Variants in BAG2 observed in about 807,000 individuals in gnomAD.
BAG2 encodes the protein BAG family molecular chaperone regulator 2.
Under a neutral mutation model 16.4 loss-of-function variants are expected in BAG2, and 8 were observed. That is an observed-to-expected ratio of 0.49 (90% CI 0.29 to 0.88). BAG2 has a LOEUF of 0.88. Among genes scored for constraint, BAG2 ranks in the 40% least tolerant of loss-of-function variants. The pLI is 0.09. For missense variants in BAG2, 218 were observed against 248.9 expected, an observed-to-expected ratio of 0.88 and a Z score of 0.84; for synonymous variants, 82 against 89.2, an observed-to-expected ratio of 0.92 and a Z score of 0.46.
At position 57,187,798 on chromosome 6, in the gene BAG2, C is replaced by T. The variant is rs763281017; in HGVS notation, c.*3608C>T. ...GCACTGCCAACTTCTAAAGCAACCA[C>T]CTAGAACTTCACTCCATAATGAGGA... On this transcript the variant is annotated 3_prime_UTR_variant, in exon 3 of 3. Transcript: ENST00000370693. The T allele has an allele frequency of 7.2e-5, 11 of 152,198 alleles. No individual in the cohort carries two copies. The highest frequency in any genetic ancestry group is 2.4e-4 in the African/African-American group (10 of 41,526). 9.4% of individuals were successfully genotyped at this position (152,198 alleles called of 1,614,324 possible). A position where few individuals can be genotyped will look rare whatever the true frequency, so the allele number is the denominator to read the frequency against.
At chr6:57,172,834 G>T in intron 1 of BAG2, 24 bp downstream of exon 1, 1 of 1,463,448 alleles carries the variant, frequency 6.8e-7, no homozygotes, top group South Asian at 1.3e-5. Flanking sequence ...GGGCGGTCTC[G>T]GGCGTTCTGC....
chr6:57,173,536 C>T (rs1764191345), intron 1 of BAG2: 2 of 964,300 alleles, frequency 2.1e-6, no homozygotes, highest in Non-Finnish European at 2.5e-6. Context: ...AGATAGTTTT[C>T]CCCTTTTCTT....
intron 1 of BAG2, among the ~76,000 whole-genome samples, chr6:57,180,276 A>G (rs934331694): frequency 6.6e-6 from 1 of 152,200 alleles, no homozygotes; most frequent in Non-Finnish European, 1.5e-5. Flanking sequence ...TGTTATAAAG[A>G]TGTCTAATTT....
intron 1 of BAG2, among the ~76,000 whole-genome samples, chr6:57,181,277 A>C (rs1024347519): frequency 6.6e-6 from 1 of 152,196 alleles, no homozygotes; most frequent in Admixed American, 6.5e-5. Flanking sequence ...TAGAAGTGTT[A>C]TTTGTAGTAA....
rs575497602 is a variant in BAG2 at position 57,172,826 on chromosome 6, G to A, written c.113+16G>A. 6.8e-7 allele frequency: 1 copy of A among 1,479,984 alleles called. No homozygotes were observed. The highest frequency in any genetic ancestry group is 1.5e-5 in the African/African-American group (1 of 68,074). 91.7% of individuals were successfully genotyped at this position (1,479,984 alleles called of 1,614,324 possible). On this transcript the variant is annotated intron_variant, in intron 1 of 2. Coordinates refer to ENST00000370693, the MANE Select transcript of BAG2 (RefSeq NM_004282.4). ...TGGAGCTCAGGTGAGCTCCGGGCGG[G>A]CGGTCTCGGGCGTTCTGCTCGCCGC...
intron 1 of BAG2, among the ~76,000 whole-genome samples, chr6:57,178,525 T>G (rs1764348821): frequency 6.6e-6 from 1 of 151,994 alleles, no homozygotes; most frequent in Non-Finnish European, 1.5e-5. Flanking sequence ...AGCAATTGGG[T>G]TTTGAAAAAG....
intron 1 of BAG2, among the ~76,000 whole-genome samples, chr6:57,180,183 C>T (rs1333050922): frequency 1.3e-5 from 2 of 152,018 alleles, no homozygotes; most frequent in South Asian, 2.1e-4. Context: ...GCAATATCCA[C>T]GAAGACTACT....
At chr6:57,179,338 C>CTT (rs1276419931) in intron 1 of BAG2, among the ~76,000 whole-genome samples, 1 of 152,144 alleles carries the variant, frequency 6.6e-6, no homozygotes, top group Non-Finnish European at 1.5e-5. Flanking sequence ...CAGTTCTTTG[C>CTT]TTTTACTGGC....
intron 1 of BAG2, among the ~76,000 whole-genome samples, chr6:57,178,408 G>A (rs1764346426): frequency 6.6e-6 from 1 of 152,102 alleles, no homozygotes; most frequent in Admixed American, 6.6e-5. Flanking sequence ...AAAATATGAG[G>A]TAGACATATT....
Position 57,188,197 on chromosome 6 carries a change from G to T in BAG2, c.*4007G>T, listed in dbSNP as rs1764684326. 1 of 152,058 alleles carries T rather than the reference G, an allele frequency of 6.6e-6. No individual in the cohort carries two copies. The highest frequency in any genetic ancestry group is 2.4e-5 in the African/African-American group (1 of 41,432). 9.4% of individuals were successfully genotyped at this position (152,058 alleles called of 1,614,324 possible). On this transcript the variant is annotated 3_prime_UTR_variant, in exon 3 of 3. Coordinates refer to ENST00000370693, the MANE Select transcript of BAG2 (RefSeq NM_004282.4). ...GAATGAAGGGTCTTGGAAAAAAAATGTCAATTTTTGAAGGCTTTAAGAATT... is the reference window on the plus strand; with the variant it reads ...GAATGAAGGGTCTTGGAAAAAAAATTTCAATTTTTGAAGGCTTTAAGAATT...
At position 57,182,018 on chromosome 6, in the gene BAG2, C is replaced by A; in HGVS notation, c.114-14C>A. 1.2e-6 allele frequency: 2 copies of A among 1,610,062 alleles called. No homozygotes were observed. The highest frequency in any genetic ancestry group is 2.2e-5 in the East Asian group (1 of 44,842). ...CTGCATACAATAACCGTTTTGTTTT[C>A]CCAATTTCTATAGGGTTGAAGCTTT... is the stretch of plus-strand genomic sequence containing the variant. On this transcript the variant is annotated splice_polypyrimidine_tract_variant and intron_variant, in intron 1 of 2. Coordinates refer to ENST00000370693, the MANE Select transcript of BAG2 (RefSeq NM_004282.4).
At chr6:57,180,172 A>G (rs1030824495) in intron 1 of BAG2, among the ~76,000 whole-genome samples, 11 of 152,216 alleles carry the variant, frequency 7.2e-5, no homozygotes, top group Non-Finnish European at 1.2e-4. Flanking sequence ...TCACAATAGC[A>G]GCAATATCCA....
In BAG2 at chr6:57,188,698, G is replaced by A. The variant is rs1764710409; in HGVS notation, c.*4508G>A. The A allele has an allele frequency of 1.3e-5, 2 of 152,150 alleles. No individual in the cohort carries two copies. The highest frequency in any genetic ancestry group is 2.4e-5 in the African/African-American group (1 of 41,436). 9.4% of individuals were successfully genotyped at this position (152,150 alleles called of 1,614,324 possible). ...TGTCACTATCAGCAATGGGAGTGGTGACAACTGGTGACATAAAAATAAGCA... is the reference window on the plus strand; with the variant it reads ...TGTCACTATCAGCAATGGGAGTGGTAACAACTGGTGACATAAAAATAAGCA... On this transcript the variant is annotated 3_prime_UTR_variant, in exon 3 of 3. Coordinates refer to ENST00000370693, the MANE Select transcript of BAG2 (RefSeq NM_004282.4).
Position 57,183,936 on chromosome 6 carries a change from T to C in BAG2, c.382T>C (p.Leu128=). ...DEVVNKFLDD[L]GNAKSHLMSL... ...GGTGGTCAATAAGTTTCTGGATGAT[T>C]TGGGAAATGCCAAGAGTCATTTAAT... The change falls in exon 3 of 3, where the codon TTG becomes CTG. Residue 128 remains leucine (L), a synonymous_variant. Coordinates refer to ENST00000370693, the MANE Select transcript of BAG2 (RefSeq NM_004282.4). 6.2e-7 allele frequency: 1 copy of C among 1,614,060 alleles called. No individual in the cohort carries two copies. Among genetic ancestry groups the C allele is most frequent in the Non-Finnish European group, 8.5e-7 (1 of 1,179,988 alleles).
At position 57,188,569 on chromosome 6, in the gene BAG2, A is replaced by G. The variant is rs1221385146; in HGVS notation, c.*4379A>G. ...TTGCAAAGTATTATTTTGTGCAAAA[A>G]TTAAAGAGGAGAGTAGAGAGTAGAA... On this transcript the variant is annotated 3_prime_UTR_variant, in exon 3 of 3. Transcript: ENST00000370693. 1 of 152,142 alleles carries G rather than the reference A, an allele frequency of 6.6e-6. No homozygotes were observed. The highest frequency in any genetic ancestry group is 2.4e-5 in the African/African-American group (1 of 41,412). 9.4% of individuals were successfully genotyped at this position (152,142 alleles called of 1,614,324 possible). A position where few individuals can be genotyped will look rare whatever the true frequency, so the allele number is the denominator to read the frequency against.
At chr6:57,175,736 G>A (rs1764264875) in intron 1 of BAG2, among the ~76,000 whole-genome samples, 1 of 152,178 alleles carries the variant, frequency 6.6e-6, no homozygotes, top group African/African-American at 2.4e-5. Context: ...GGAGGCTCCT[G>A]GAAGGTGGTG....
intron 1 of BAG2, among the ~76,000 whole-genome samples, chr6:57,174,866 G>A (rs964307795): frequency 1.3e-5 from 2 of 152,222 alleles, no homozygotes; most frequent in African/African-American, 2.4e-5. Flanking sequence ...TAGTGTAACT[G>A]TGTAGAATAA....
intron 1 of BAG2, among the ~76,000 whole-genome samples, chr6:57,175,062 C>T (rs1428086254): frequency 6.6e-6 from 1 of 152,188 alleles, no homozygotes; most frequent in African/African-American, 2.4e-5. Flanking sequence ...TGGAATTTAT[C>T]AATACAGTAG....
intron 2 of BAG2, among the ~76,000 whole-genome samples, 169 bp downstream of exon 2, chr6:57,182,310 T>G (rs1407041697): frequency 6.6e-6 from 1 of 152,040 alleles, no homozygotes; most frequent in Non-Finnish European, 1.5e-5. Flanking sequence ...AGCAGCCACT[T>G]ACTCAGAGAT....
Sources: gnomAD v4.1 joint callset for allele counts (sites outside exome capture counted in the v4.1 genomes callset) on GRCh38, gnomAD v4.1.1 for gene constraint, MANE v1.5 for transcripts, NCBI Gene and HGNC (gene_info 2026-07-23, HGNC 2026-07-21) for gene names.